VTI1A: variants seen among roughly 807,000 people sequenced by gnomAD.
VTI1A encodes the protein vesicle transport through interaction with t-SNAREs homolog 1A.
In VTI1A, 22 loss-of-function variants were observed where a neutral mutation model predicts 34.9. The observed-to-expected ratio is 0.63, with a 90% CI of 0.45 to 0.90. VTI1A has a LOEUF of 0.90. Ranked by LOEUF, VTI1A falls within the 40% of genes least tolerant of loss-of-function variation. The pLI, the probability that VTI1A is intolerant of heterozygous loss-of-function variation, is 0.00. For missense variants in VTI1A, 268 were observed against 275.6 expected (o/e 0.97, Z 0.20); for synonymous variants, 87 against 97.3 (o/e 0.89, Z 0.62).
chr10:112,466,977 C>T (rs1275989739), intron 3 of VTI1A, among the ~76,000 whole-genome samples: 3 of 152,052 alleles, frequency 2.0e-5, no homozygotes, highest in South Asian at 2.1e-4. Flanking sequence ...AGACATCAGT[C>T]GTATTGAATT....
chr10:112,635,554 A>G (rs1846322307), intron 5 of VTI1A, among the ~76,000 whole-genome samples: 1 of 152,202 alleles, frequency 6.6e-6, no homozygotes, highest in African/African-American at 2.4e-5. Flanking sequence ...TGTTTTAGGA[A>G]GATTTTAGAA....
chr10:112,776,270 G>A (rs923380500), intron 7 of VTI1A, among the ~76,000 whole-genome samples: 10 of 152,152 alleles, frequency 6.6e-5, no homozygotes, highest in Non-Finnish European at 1.2e-4. Flanking sequence ...AGCTTTCAGC[G>A]GGATCACTGG....
At chr10:112,758,860 G>A (rs1320488653) in intron 7 of VTI1A, among the ~76,000 whole-genome samples, 1 of 152,228 alleles carries the variant, frequency 6.6e-6, no homozygotes, top group East Asian at 1.9e-4. Context: ...TAAGGCATGA[G>A]CAGCAGGTAG....
At chr10:112,605,105 C>A (rs1163000499) in intron 5 of VTI1A, among the ~76,000 whole-genome samples, 1 of 152,120 alleles carries the variant, frequency 6.6e-6, no homozygotes, top group African/African-American at 2.4e-5. Flanking sequence ...GACAACGTAG[C>A]CAAACCAGAC....
chr10:112,602,195 T>C (rs888483030), intron 5 of VTI1A, among the ~76,000 whole-genome samples: 1 of 152,358 alleles, frequency 6.6e-6, no homozygotes, highest in Admixed American at 6.5e-5. Context: ...CCTTTCCTAA[T>C]TAAGAATAAT....
In VTI1A at chr10:112,468,313, A is replaced by G. The variant is rs546291895; in HGVS notation, c.264+3656A>G. ...TGAATAGAGTGTAGAAAATATTGAC[A>G]TAACTCCCTTGTTTTAATCATTATT... On this transcript the variant is annotated intron_variant, in intron 3 of 7. Coordinates refer to ENST00000393077, the MANE Select transcript of VTI1A (RefSeq NM_145206.4). Among the ~76,000 whole-genome samples the G allele has an allele frequency of 3.9e-4, 60 of 152,340 alleles. 1 individual carries two copies. The South Asian group carries it at 5.6e-3, about 14-fold the overall frequency.
intron 7 of VTI1A, 61 bp from the exon 8 acceptor site, chr10:112,815,229 G>T (rs1853480476): frequency 7.1e-7 from 1 of 1,405,756 alleles, no homozygotes. Flanking sequence ...GCCTCGGACG[G>T]CGTTTGTGGG....
chr10:112,466,696 A>T (rs1847906656), intron 3 of VTI1A, among the ~76,000 whole-genome samples: 1 of 152,222 alleles, frequency 6.6e-6, no homozygotes, highest in Non-Finnish European at 1.5e-5. Context: ...CCTCATTTTT[A>T]ATGGAACTCT....
At chr10:112,675,851 C>T (rs571301730) in intron 7 of VTI1A, among the ~76,000 whole-genome samples, 1 of 152,142 alleles carries the variant, frequency 6.6e-6, no homozygotes, top group African/African-American at 2.4e-5. Context: ...CTGGCTCTGC[C>T]GCTTTTTAGC....
At chr10:112,463,300 A>G (rs978799872) in intron 2 of VTI1A, among the ~76,000 whole-genome samples, 1 of 152,100 alleles carries the variant, frequency 6.6e-6, no homozygotes, top group African/African-American at 2.4e-5. Context: ...TATCTTCTTC[A>G]TCACTTGCAA....
chr10:112,619,063 GTTTTT>G (rs34173451), intron 5 of VTI1A, among the ~76,000 whole-genome samples: 1 of 146,188 alleles, frequency 6.8e-6, no homozygotes, highest in African/African-American at 2.5e-5. Flanking sequence ...AGTAAACACA[GTTTTT>G]TTTTTTTTTT....
At chr10:112,805,645 C>G (rs981132267) in intron 7 of VTI1A, among the ~76,000 whole-genome samples, 3 of 152,144 alleles carry the variant, frequency 2.0e-5, no homozygotes, top group Admixed American at 1.3e-4. Flanking sequence ...CCAATGTGAC[C>G]GGTGTCCTTA....
intron 5 of VTI1A, among the ~76,000 whole-genome samples, chr10:112,610,016 A>G (rs535208725): frequency 1.6e-4 from 24 of 151,366 alleles, no homozygotes; most frequent in Admixed American, 5.3e-4. Flanking sequence ...ATATTTGCAG[A>G]AAAAAAAATG....
At chr10:112,740,782 C>T (rs760600043) in intron 7 of VTI1A, among the ~76,000 whole-genome samples, 1 of 152,196 alleles carries the variant, frequency 6.6e-6, no homozygotes, top group Non-Finnish European at 1.5e-5. Flanking sequence ...AAATGGTAAA[C>T]ATGGAGTTTA....
At chr10:112,848,254 G>A in the VTI1A span, among the ~76,000 whole-genome samples, 2 of 152,176 alleles carry the variant, frequency 1.3e-5, no homozygotes, top group African/African-American at 2.4e-5. Context: ...AGTTCTTTGT[G>A]TGGCCAGGTG....
intron 3 of VTI1A, among the ~76,000 whole-genome samples, chr10:112,490,753 T>G (rs998178640): frequency 2.0e-5 from 3 of 152,084 alleles, no homozygotes; most frequent in Non-Finnish European, 2.9e-5. Flanking sequence ...ATTGTATGCT[T>G]CCTAATGGAA....
At chr10:112,546,377 G>A (rs867430556) in intron 5 of VTI1A, among the ~76,000 whole-genome samples, 2 of 151,938 alleles carry the variant, frequency 1.3e-5, no homozygotes, top group Non-Finnish European at 2.9e-5. Flanking sequence ...GACCAGCCTT[G>A]GCAACATAGT....
At chr10:112,597,168 C>T (rs150344961) in intron 5 of VTI1A, among the ~76,000 whole-genome samples, 17 of 152,216 alleles carry the variant, frequency 1.1e-4, no homozygotes, top group East Asian at 9.6e-4. Context: ...TTTCCACTTA[C>T]GCTAACCTTT....
At chr10:112,806,758 T>A (rs905874810) in intron 7 of VTI1A, among the ~76,000 whole-genome samples, 2 of 151,814 alleles carry the variant, frequency 1.3e-5, no homozygotes, top group Admixed American at 6.6e-5. Context: ...TAATTTTTTT[T>A]AATTTTTCAC....
Sources: gnomAD v4.1 joint callset for allele counts (sites outside exome capture counted in the v4.1 genomes callset) on GRCh38, gnomAD v4.1.1 for gene constraint, MANE v1.5 for transcripts, NCBI Gene and HGNC (gene_info 2026-07-23, HGNC 2026-07-21) for gene names.